The following SPARCL1 variants were observed in gnomAD, a reference collection of about 807,000 sequenced individuals.
SPARCL1 encodes the protein SPARC-like protein 1.
Under a neutral mutation model 67.1 loss-of-function variants are expected in SPARCL1, and 52 were observed. The ratio of observed to expected loss-of-function variants is 0.78; its 90% CI spans 0.62 to 0.98. The LOEUF (loss-of-function observed/expected upper bound fraction) is 0.98. Among genes scored for constraint, SPARCL1 ranks in the 50% least tolerant of loss-of-function variants. SPARCL1 has a pLI of 0.00. For missense variants in SPARCL1, 717 were observed against 782.4 expected, an observed-to-expected ratio of 0.92 and a Z score of 1.00; for synonymous variants, 226 against 267.8, an observed-to-expected ratio of 0.84 and a Z score of 1.52.
intron 1 of SPARCL1, among the ~76,000 whole-genome samples, chr4:87,519,824 G>A (rs948446011): frequency 5.3e-5 from 8 of 152,158 alleles, no homozygotes; most frequent in East Asian, 1.9e-4. Context: ...AACTGTTTCC[G>A]TTTATCTCAA....
intron 2 of SPARCL1, chr4:87,497,124 TG>T: frequency 1.5e-6 from 1 of 654,776 alleles, no homozygotes; most frequent in Non-Finnish European, 1.9e-6. Context: ...TCAAGTGATC[TG>T]CCCACCTTGG....
chr4:87,524,733 T>G (rs1159382943), intron 1 of SPARCL1, among the ~76,000 whole-genome samples: 1 of 152,250 alleles, frequency 6.6e-6, no homozygotes, highest in Non-Finnish European at 1.5e-5. Context: ...CAATACTTGT[T>G]GTCTCAGTGA....
chr4:87,514,495 G>A (rs927311685), intron 1 of SPARCL1, among the ~76,000 whole-genome samples: 6 of 152,136 alleles, frequency 3.9e-5, no homozygotes, highest in Non-Finnish European at 5.9e-5. Context: ...TAAACGCAGA[G>A]TATGGTCATG....
At chr4:87,496,562 A>G (rs951811077) in intron 2 of SPARCL1, among the ~76,000 whole-genome samples, 4 of 152,190 alleles carry the variant, frequency 2.6e-5, no homozygotes, top group Admixed American at 2.0e-4. Flanking sequence ...GGTGGCAAGA[A>G]ATATCAAGTG....
chr4:87,486,032 A>AT (rs35685652), intron 7 of SPARCL1, among the ~76,000 whole-genome samples: 5 of 151,666 alleles, frequency 3.3e-5, no homozygotes, highest in South Asian at 2.1e-4. Context: ...AGGTTCATTG[A>AT]TTTTTTGAAG....
chr4:87,497,656 T>A (rs1316674124), intron 2 of SPARCL1, among the ~76,000 whole-genome samples: 1 of 152,370 alleles, frequency 6.6e-6, no homozygotes, highest in East Asian at 1.9e-4. Flanking sequence ...ATACTTAGCT[T>A]TCTAGCAGTT....
At chr4:87,524,741 T>C (rs61223410) in intron 1 of SPARCL1, among the ~76,000 whole-genome samples, 18,658 of 152,224 alleles carry the variant, frequency 0.12, 2,176 homozygotes, top group East Asian at 0.34. Context: ...GTTGTCTCAG[T>C]GATTGGCTTT....
intron 1 of SPARCL1, among the ~76,000 whole-genome samples, chr4:87,523,166 C>T (rs1198748741): frequency 6.6e-6 from 1 of 151,472 alleles, no homozygotes; most frequent in Non-Finnish European, 1.5e-5. Flanking sequence ...GAGGCTGAGG[C>T]AGAAGAATTG....
In SPARCL1 at chr4:87,499,623, A is replaced by C. The variant is rs993226415; in HGVS notation, c.-11-38T>G. 4.0e-6 allele frequency: 6 copies of C among 1,489,372 alleles called. No individual in the cohort carries two copies. The African/African-American group carries it at 8.5e-5, about 21-fold the overall frequency. The allele number at this position is 1,489,372 out of a possible 1,614,324, so 92.3% of individuals were successfully genotyped here. A position where few individuals can be genotyped will look rare whatever the true frequency, so the allele number is the denominator to read the frequency against. On this transcript the variant is annotated intron_variant, in intron 1 of 10. Coordinates refer to ENST00000282470, the MANE Select transcript of SPARCL1 (RefSeq NM_004684.6). ...AAGATAATTATCAGTGGCAGGGAAA[A>C]GTTTCCTCATGAAAAACTGAAAGAT... is the stretch of plus-strand genomic sequence containing the variant.
Position 87,493,813 on chromosome 4 carries a change from A to G in SPARCL1, c.987T>C (p.Asn329=), listed in dbSNP as rs1366630483. ...ALLMEPTDDG[N]TTPRNHGVDD... is the part of the protein sequence containing the mutation. Reference sequence around the variant, plus strand: ...CAACTCCATGATTTCTGGGCGTGGTATTACCATCATCAGTAGGTTCCATGA... The same window carrying G: ...CAACTCCATGATTTCTGGGCGTGGTGTTACCATCATCAGTAGGTTCCATGA... Residue 329 remains asparagine, a synonymous_variant, in exon 4 of 11, where the codon AAT becomes AAC. Transcript: ENST00000282470. 1 of 1,613,958 alleles carries G rather than the reference A, an allele frequency of 6.2e-7. No individual in the cohort carries two copies. The highest frequency in any genetic ancestry group is 1.3e-5 in the African/African-American group (1 of 74,894).
chr4:87,504,135 TTGTGTGTGTGTG>T (rs70957258), intron 1 of SPARCL1, among the ~76,000 whole-genome samples: 19 of 30,934 alleles, frequency 6.1e-4, no homozygotes, highest in African/African-American at 1.6e-3. Flanking sequence ...TGATTTGGTA[TTGTGTGTGTGTG>T]TGTGTGTGTG....
At chr4:87,495,165 T>C in intron 2 of SPARCL1, 38 bp from the exon 3 acceptor site, 1 of 1,569,696 alleles carries the variant, frequency 6.4e-7, no homozygotes, top group Non-Finnish European at 8.6e-7. Context: ...TATTCATGTC[T>C]GGATGCTAAT....
intron 7 of SPARCL1, among the ~76,000 whole-genome samples, chr4:87,487,546 T>C (rs1724126698): frequency 3.9e-5 from 6 of 152,206 alleles, no homozygotes; most frequent in Admixed American, 3.9e-4. Context: ...CATTTCAACC[T>C]TGGTGAATCT....
At chr4:87,519,358 C>T (rs564987323) in intron 1 of SPARCL1, among the ~76,000 whole-genome samples, 3 of 152,284 alleles carry the variant, frequency 2.0e-5, no homozygotes, top group African/African-American at 7.2e-5. Flanking sequence ...AGGCATGAGC[C>T]ATTGTGTCCG....
At chr4:87,525,332 GTTA>G (rs1379504296) in intron 1 of SPARCL1, among the ~76,000 whole-genome samples, 3 of 152,026 alleles carry the variant, frequency 2.0e-5, no homozygotes, top group Admixed American at 1.3e-4. Context: ...TTTTATGACT[GTTA>G]TTATATCTAT....
At chr4:87,491,775 G>C (rs1724339966) in intron 4 of SPARCL1, 85 bp from the exon 5 acceptor site, 2 of 983,710 alleles carry the variant, frequency 2.0e-6, no homozygotes. Flanking sequence ...ATACTTTCAC[G>C]AGTATTTTTC....
In SPARCL1 at chr4:87,493,705, G is replaced by A; in HGVS notation, c.1095C>T (p.Ser365=). The part of the protein sequence containing the change: ...HSASDDYFIP[S]QAFLEAERAQ... ...CTCTCTCGGCCTCCAGAAAGGCCTG[G>A]CTTGGGATGAAGTAGTCATCACTTG... is the stretch of plus-strand genomic sequence containing the variant. Residue 365 remains serine, a synonymous_variant, in exon 4 of 11, where the codon AGC becomes AGT. Transcript: ENST00000282470. The A allele has an allele frequency of 6.2e-7, 1 of 1,614,118 alleles. No homozygotes were observed.
At chr4:87,489,190 T>C (rs1409642951) in intron 7 of SPARCL1, among the ~76,000 whole-genome samples, 1 of 152,226 alleles carries the variant, frequency 6.6e-6, no homozygotes, top group Non-Finnish European at 1.5e-5. Context: ...TGGCCCAGTT[T>C]TGTGCTTGAA....
At chr4:87,518,167 G>T (rs77837769) in intron 1 of SPARCL1, among the ~76,000 whole-genome samples, 2,434 of 152,300 alleles carry the variant, frequency 0.016, 58 homozygotes, top group African/African-American at 0.055. Context: ...TTTGAAAATA[G>T]GGTGAAAACC....
Sources: allele counts gnomAD v4.1 joint callset (sites outside exome capture counted in the v4.1 genomes callset), GRCh38; gene constraint gnomAD v4.1.1; transcripts MANE v1.5; gene names NCBI Gene and HGNC (gene_info 2026-07-23, HGNC 2026-07-21).